Variants in PROM1 observed in about 807,000 individuals in gnomAD.
PROM1 encodes the protein prominin-1.
A neutral mutation model predicts 116.9 loss-of-function variants in PROM1; 105 were observed. That is an observed-to-expected ratio of 0.90 (90% CI 0.77 to 1.06). The LOEUF is 1.06. PROM1 is among the 50% of genes least tolerant of loss of function. PROM1 has a pLI of 0.00. For missense variants in PROM1, 1,122 were observed against 1,045.2 expected (o/e 1.07, Z -1.01); for synonymous variants, 393 against 387.0 (o/e 1.02, Z -0.18).
At chr4:16,080,580 C>T (rs1214179603) in intron 1 of PROM1, 1 of 152,016 alleles carries the variant, frequency 6.6e-6, no homozygotes, top group Non-Finnish European at 1.5e-5. Context: ...TTCTTCTTTT[C>T]TTCTTTTGAT....
At chr4:16,019,596 A>G (rs1729290944) in intron 8 of PROM1, among the ~76,000 whole-genome samples, 1 of 152,216 alleles carries the variant, frequency 6.6e-6, no homozygotes, top group Non-Finnish European at 1.5e-5. Context: ...GGAGCTACCT[A>G]TACATGACTA....
chr4:16,047,525 G>A (rs1045503265), intron 2 of PROM1, among the ~76,000 whole-genome samples: 7 of 152,086 alleles, frequency 4.6e-5, no homozygotes, highest in South Asian at 2.1e-4. Context: ...GTGTCTGGCC[G>A]GTACTGCCTT....
At position 15,969,171 on chromosome 4, in the gene PROM1, T is replaced by G. The variant is rs1004225603; in HGVS notation, c.*222A>C. On this transcript the variant is annotated 3_prime_UTR_variant, in exon 28 of 28. Coordinates refer to ENST00000447510, the MANE Select transcript of PROM1 (RefSeq NM_006017.3). ...TAGACAGGAAGGGAGGGAGTCATCC[T>G]TGAATAGTGATGGACCATGGACTAT... The G allele has an allele frequency of 6.6e-6, 1 of 152,218 alleles. No homozygotes were observed. Among genetic ancestry groups the G allele is most frequent in the Non-Finnish European group, 1.5e-5 (1 of 68,044 alleles). The allele number at this position is 152,218 out of a possible 1,614,324, so 9.4% of individuals were successfully genotyped here. A position where few individuals can be genotyped will look rare whatever the true frequency, so the allele number is the denominator to read the frequency against.
At chr4:15,992,742 C>T (rs1449016137) in intron 16 of PROM1, among the ~76,000 whole-genome samples, 1 of 152,182 alleles carries the variant, frequency 6.6e-6, no homozygotes, top group Non-Finnish European at 1.5e-5. Flanking sequence ...TCTATGGGTC[C>T]CATGGCTTCT....
intron 26 of PROM1, among the ~76,000 whole-genome samples, chr4:15,978,957 G>A (rs1716954044): frequency 1.3e-5 from 2 of 151,822 alleles, no homozygotes; most frequent in Non-Finnish European, 1.5e-5. Context: ...TCTTTTTCTG[G>A]TTGGTTACAG....
At chr4:16,041,207 G>A (rs1177639138) in intron 2 of PROM1, among the ~76,000 whole-genome samples, 1 of 152,216 alleles carries the variant, frequency 6.6e-6, no homozygotes, top group Non-Finnish European at 1.5e-5. Context: ...AATCAAGATG[G>A]CAGCTGATAC....
At chr4:16,019,285 T>C (rs1029068824) in intron 8 of PROM1, among the ~76,000 whole-genome samples, 1 of 152,234 alleles carries the variant, frequency 6.6e-6, no homozygotes, top group South Asian at 2.1e-4. Flanking sequence ...TGGAAAGCCA[T>C]ATGCATTCAG....
intron 2 of PROM1, among the ~76,000 whole-genome samples, chr4:16,062,957 A>C (rs964753064): frequency 6.6e-6 from 1 of 152,212 alleles, no homozygotes; most frequent in African/African-American, 2.4e-5. Flanking sequence ...CATGTTTGTG[A>C]ATGATTTTGA....
At chr4:15,989,880 C>T in intron 18 of PROM1, 56 bp from the exon 19 acceptor site, 1 of 1,385,916 alleles carries the variant, frequency 7.2e-7, no homozygotes, top group Admixed American at 2.0e-5. Flanking sequence ...TCAAAGCACT[C>T]TCGCTATCCT....
intron 1 of PROM1, chr4:16,079,346 T>G (rs1276442974): frequency 1.3e-5 from 2 of 152,198 alleles, no homozygotes; most frequent in Non-Finnish European, 2.9e-5. Flanking sequence ...AGACAATGAC[T>G]TGAGATAGAC....
At chr4:16,022,134 G>GGAAA (rs1730067563) in intron 8 of PROM1, among the ~76,000 whole-genome samples, 1 of 149,376 alleles carries the variant, frequency 6.7e-6, no homozygotes, top group African/African-American at 2.5e-5. Context: ...AGGGAAGGAG[G>GGAAA]GAAAGAAAGA....
chr4:16,025,290 C>T lies in PROM1; in HGVS notation c.532G>A (p.Val178Met), dbSNP rs1340984327. 5.0e-6 allele frequency: 8 copies of T among 1,613,946 alleles called. No homozygotes were observed. The South Asian group carries it at 7.7e-5, about 16-fold the overall frequency. Residue 178 changes from valine to methionine, a missense_variant, in exon 6 of 28, where the codon GTG (valine) becomes ATG (methionine). Physicochemically the swap from Val to Met is conservative, Grantham distance 21. Transcript: ENST00000447510. ...CGGGTTCTTACCTGGTGATTTGCCA[C>T]AAAACCATAGAAGATGCCAATGCTG... is the stretch of plus-strand genomic sequence containing the variant. The part of the protein sequence containing the change: ...IISIGIFYGF[V>M]ANHQVRTRIK...
chr4:15,994,404 A>C (rs1194202628), intron 15 of PROM1, among the ~76,000 whole-genome samples: 1 of 152,234 alleles, frequency 6.6e-6, no homozygotes, highest in Non-Finnish European at 1.5e-5. Context: ...GAAAAACAAT[A>C]CTTGCTAGAA....
intron 18 of PROM1, among the ~76,000 whole-genome samples, chr4:15,990,169 G>A (rs1051819051): frequency 1.3e-5 from 2 of 152,180 alleles, no homozygotes; most frequent in East Asian, 1.9e-4. Context: ...CACACTCAAT[G>A]AATGTTTAAT....
Position 16,033,399 on chromosome 4 carries a change from T to C in PROM1, c.414A>G (p.Lys138=), listed in dbSNP as rs971343108. Residue 138 remains lysine, a synonymous_variant, in exon 5 of 28, where the codon AAA becomes AAG. Transcript: ENST00000447510. ...GTCGCTGGTGCATTTCTCCACCACA[T>C]TTGTTACAGCAACGACACATACAAA... ...YFFCMCRCCN[K]CGGEMHQRQK... is the part of the protein sequence containing the mutation. The C allele has an allele frequency of 6.2e-7, 1 of 1,613,856 alleles. No individual in the cohort carries two copies. Among genetic ancestry groups the C allele is most frequent in the Non-Finnish European group, 8.5e-7 (1 of 1,179,844 alleles).
chr4:16,052,605 G>A (rs1466632731), intron 2 of PROM1, among the ~76,000 whole-genome samples: 1 of 152,098 alleles, frequency 6.6e-6, no homozygotes. Context: ...AGTCTCCTGA[G>A]TAGCTGGGAC....
intron 1 of PROM1, chr4:16,079,779 A>C (rs1362750915): frequency 6.6e-6 from 1 of 152,174 alleles, no homozygotes; most frequent in Non-Finnish European, 1.5e-5. Context: ...GTACCCGCCT[A>C]GTCAATTCAT....
At chr4:16,067,735 T>C (rs1331180527) in intron 2 of PROM1, among the ~76,000 whole-genome samples, 1 of 152,140 alleles carries the variant, frequency 6.6e-6, no homozygotes, top group Admixed American at 6.6e-5. Flanking sequence ...TACGTGGACA[T>C]GGGCATAGAC....
chr4:16,012,939 G>GTTT (rs1727302876), intron 11 of PROM1, among the ~76,000 whole-genome samples: 1 of 149,758 alleles, frequency 6.7e-6, no homozygotes, highest in African/African-American at 2.5e-5. Flanking sequence ...ATAATCTACA[G>GTTT]TTTTTCTCTT....
Sources: allele counts gnomAD v4.1 joint callset (sites outside exome capture counted in the v4.1 genomes callset), GRCh38; gene constraint gnomAD v4.1.1; transcripts MANE v1.5; gene names NCBI Gene and HGNC (gene_info 2026-07-23, HGNC 2026-07-21).